The following ITGB1BP1 variants were observed in gnomAD, a reference collection of about 807,000 sequenced individuals.
ITGB1BP1 encodes integrin subunit beta 1 binding protein 1, also known as integrin beta-1-binding protein 1.
A neutral mutation model predicts 28.0 loss-of-function variants in ITGB1BP1; 20 were observed. That is an observed-to-expected ratio of 0.71 (90% CI 0.50 to 1.04). The LOEUF (loss-of-function observed/expected upper bound fraction) is 1.04. ITGB1BP1 is among the 50% of genes least tolerant of loss of function. ITGB1BP1 has a pLI of 0.00. For missense variants in ITGB1BP1, 228 were observed against 242.5 expected (o/e 0.94, Z 0.40); for synonymous variants, 103 against 89.5 (o/e 1.15, Z -0.85).
intron 1 of ITGB1BP1, chr2:9,422,891 G>T (rs1350042509): frequency 1.0e-6 from 1 of 986,184 alleles, no homozygotes; most frequent in Non-Finnish European, 1.2e-6. Context: ...CCAGAGTAAG[G>T]ACGGATGCGG....
chr2:9,417,159 C>A (rs1343136412), intron 2 of ITGB1BP1, among the ~76,000 whole-genome samples: 6 of 152,182 alleles, frequency 3.9e-5, no homozygotes, highest in African/African-American at 9.6e-5. Flanking sequence ...CCCCAGGCGC[C>A]CCCTGCTTTA....
At chr2:9,411,122 C>T (rs1172482403) in intron 4 of ITGB1BP1, among the ~76,000 whole-genome samples, 1 of 152,034 alleles carries the variant, frequency 6.6e-6, no homozygotes, top group Non-Finnish European at 1.5e-5. Flanking sequence ...TATAACATTT[C>T]ACGTTTATAT....
chr2:9,408,270 G>T, intron 4 of ITGB1BP1, 65 bp from the exon 5 acceptor site: 1 of 978,370 alleles, frequency 1.0e-6, no homozygotes, highest in East Asian at 2.4e-5. Flanking sequence ...AGTCTGACTA[G>T]TCACTTTGAG....
In ITGB1BP1 at chr2:9,418,877, TCCCC is replaced by T. The variant is rs1379347244; in HGVS notation, c.-35-149_-35-146del. On this transcript the variant is annotated intron_variant, in intron 1 of 6. Coordinates refer to ENST00000355346, the MANE Select transcript of ITGB1BP1 (RefSeq NM_004763.5). ...GCAGTCTTGACCTCACACCTCAGCCTCCCCGAGTAGCTGGGACTACAGGCATGTG... is the reference window on the plus strand; with the variant it reads ...GCAGTCTTGACCTCACACCTCAGCCTGAGTAGCTGGGACTACAGGCATGTG... 1.6e-5 allele frequency: 10 copies of T among 627,296 alleles called. No individual in the cohort carries two copies. The East Asian group carries it at 2.7e-4, about 17-fold the overall frequency. 38.9% of individuals were successfully genotyped at this position (627,296 alleles called of 1,614,324 possible).
In ITGB1BP1 at chr2:9,423,419, G is replaced by C; in HGVS notation, c.-82C>G. On this transcript the variant is annotated 5_prime_UTR_variant, in exon 1 of 7. Transcript: ENST00000355346. The stretch of plus-strand genomic sequence containing the variant: ...CCGGGTTGCGGACTTCGGGGTCCGC[G>C]TGGGAGTGCCGCGGCCTTTGGCGCC... The C allele has an allele frequency of 8.7e-7, 1 of 1,146,120 alleles. No individual in the cohort carries two copies. Among genetic ancestry groups the C allele is most frequent in the South Asian group, 1.7e-5 (1 of 57,390 alleles). The allele number at this position is 1,146,120 out of a possible 1,614,324, so 71.0% of individuals were successfully genotyped here. A position where few individuals can be genotyped will look rare whatever the true frequency, so the allele number is the denominator to read the frequency against.
At chr2:9,412,197 T>A in intron 4 of ITGB1BP1, 72 bp downstream of exon 4, 1 of 1,395,344 alleles carries the variant, frequency 7.2e-7, no homozygotes, top group Non-Finnish European at 1.0e-6. Flanking sequence ...GGAGTGAGCA[T>A]TTTGCCCCAA....
chr2:9,404,116 T>C lies in ITGB1BP1; in HGVS notation c.*2718A>G, dbSNP rs1676982695. 6.6e-6 allele frequency: 1 copy of C among 152,394 alleles called. No homozygotes were observed. Among genetic ancestry groups the C allele is most frequent in the South Asian group, 2.1e-4 (1 of 4,834 alleles). The allele number at this position is 152,394 out of a possible 1,614,324, so 9.4% of individuals were successfully genotyped here. ...TGCTTTAGGTGTTTTGGAATTTGCC[T>C]TCTTGAACTTCCTGAGTCACACAGA... On this transcript the variant is annotated 3_prime_UTR_variant, in exon 7 of 7. Coordinates refer to ENST00000355346, the MANE Select transcript of ITGB1BP1 (RefSeq NM_004763.5).
chr2:9,407,654 C>G (rs1677707708), intron 5 of ITGB1BP1, 56 bp from the exon 6 acceptor site: 2 of 1,589,154 alleles, frequency 1.3e-6, no homozygotes, highest in Non-Finnish European at 1.7e-6. Context: ...TTTGTCAGTC[C>G]TGATGACACA....
In ITGB1BP1 at chr2:9,406,615, G is replaced by A. The variant is rs1677419432; in HGVS notation, c.*219C>T. 3.6e-6 allele frequency: 2 copies of A among 555,698 alleles called. No individual in the cohort carries two copies. The highest frequency in any genetic ancestry group is 6.4e-6 in the Non-Finnish European group (2 of 311,200). 34.4% of individuals were successfully genotyped at this position (555,698 alleles called of 1,614,324 possible). On this transcript the variant is annotated 3_prime_UTR_variant, in exon 7 of 7. Transcript: ENST00000355346. ...TTATTAGAAGTTGAAAAAGACAAAT[G>A]AAGTTTTTTAGCCCAGAAAATAGAT... is the stretch of plus-strand genomic sequence containing the variant.
Position 9,415,426 on chromosome 2 carries a change from C to T in ITGB1BP1, c.73-1170G>A, listed in dbSNP as rs1678999004. Among the ~76,000 whole-genome samples, 1 of 151,736 alleles carries T rather than the reference C, an allele frequency of 6.6e-6. No individual in the cohort carries two copies. Among genetic ancestry groups the T allele is most frequent in the Admixed American group, 6.6e-5 (1 of 15,214 alleles). Reference sequence around the variant, plus strand: ...ACACACAAAAAAAAACACAACAATACAAAAATTAGCCAGGCTTGGTGGCAC... The same window carrying T: ...ACACACAAAAAAAAACACAACAATATAAAAATTAGCCAGGCTTGGTGGCAC... On this transcript the variant is annotated intron_variant, in intron 2 of 6. Coordinates refer to ENST00000355346, the MANE Select transcript of ITGB1BP1 (RefSeq NM_004763.5). The surrounding 1 kb of genome is among the most constrained non-coding windows in gnomAD (Gnocchi z 4.1).
intron 2 of ITGB1BP1, among the ~76,000 whole-genome samples, chr2:9,418,057 T>C (rs1679364378): frequency 6.6e-6 from 1 of 152,178 alleles, no homozygotes; most frequent in Non-Finnish European, 1.5e-5. Flanking sequence ...AAAATTGGTG[T>C]CAAAAACCTA....
chr2:9,423,496 C>T lies in ITGB1BP1; in HGVS notation c.-159G>A. ...AGCGCCGGCTTTTCCAGCCCTCCTGCCCACGTCCGCCGGGCCGCGCCTCCA... is the reference window on the plus strand; with the variant it reads ...AGCGCCGGCTTTTCCAGCCCTCCTGTCCACGTCCGCCGGGCCGCGCCTCCA... On this transcript the variant is annotated 5_prime_UTR_variant, in exon 1 of 7. Transcript: ENST00000355346. The T allele has an allele frequency of 1.7e-6, 2 of 1,196,046 alleles. No homozygotes were observed. The highest frequency in any genetic ancestry group is 2.1e-6 in the Non-Finnish European group (2 of 943,522). 74.1% of individuals were successfully genotyped at this position (1,196,046 alleles called of 1,614,324 possible).
intron 4 of ITGB1BP1, among the ~76,000 whole-genome samples, chr2:9,411,439 A>T (rs1171514599): frequency 6.6e-6 from 1 of 152,156 alleles, no homozygotes; most frequent in Non-Finnish European, 1.5e-5. Context: ...AAGTATTAAT[A>T]GGCCGGGCAC....
intron 3 of ITGB1BP1, chr2:9,412,664 C>T: frequency 3.3e-6 from 1 of 300,842 alleles, no homozygotes; most frequent in Non-Finnish European, 6.0e-6. Flanking sequence ...CCCTTCAAAA[C>T]AAACAGTAAA....
rs948188259 is a variant in ITGB1BP1, at chr2:9,403,979, G to A, written c.*2855C>T. 6.6e-6 allele frequency: 1 copy of A among 152,272 alleles called. No homozygotes were observed. Among genetic ancestry groups the A allele is most frequent in the Admixed American group, 6.5e-5 (1 of 15,288 alleles). 9.4% of individuals were successfully genotyped at this position (152,272 alleles called of 1,614,324 possible). Reference sequence around the variant, plus strand: ...AAAACTACTGATGGTTTATGACAACGTAGGGTAACTACAGTTCATTCTGTT... The same window carrying A: ...AAAACTACTGATGGTTTATGACAACATAGGGTAACTACAGTTCATTCTGTT... On this transcript the variant is annotated 3_prime_UTR_variant, in exon 7 of 7. Transcript: ENST00000355346.
Position 9,418,688 on chromosome 2 carries a change from T to C in ITGB1BP1, c.10A>G (p.Lys4Glu). 5 of 1,614,126 alleles carry C rather than the reference T, an allele frequency of 3.1e-6. No individual in the cohort carries two copies. Among genetic ancestry groups the C allele is most frequent in the Non-Finnish European group, 4.2e-6 (5 of 1,179,990 alleles). Residue 4 changes from lysine to glutamate, a missense_variant, in exon 2 of 7, where the codon AAG becomes GAG. Coordinates refer to ENST00000355346, the MANE Select transcript of ITGB1BP1 (RefSeq NM_004763.5). Reference sequence around the variant, plus strand: ...CTACTACTGTGTCGTTTTTTGCCCTTGCGAAACATTTTTCACCACCATTGC... The same window carrying C: ...CTACTACTGTGTCGTTTTTTGCCCTCGCGAAACATTTTTCACCACCATTGC... MFR[K>E]GKKRHSSSSS...
intron 2 of ITGB1BP1, among the ~76,000 whole-genome samples, chr2:9,414,790 A>G (rs1678908085): frequency 6.6e-6 from 1 of 152,210 alleles, no homozygotes; most frequent in Non-Finnish European, 1.5e-5. Context: ...AATTATTCTG[A>G]CTAGTGTCTG....
rs545596917 is a variant in ITGB1BP1 at position 9,410,052 on chromosome 2, A to G, written c.289-1847T>C. On this transcript the variant is annotated intron_variant, in intron 4 of 6. Transcript: ENST00000355346. ...AGTAGAGATGGAGTTTCACCGTGTTAGCCAGGATGGTCTCTATCTCCTGAC... is the reference window on the plus strand; with the variant it reads ...AGTAGAGATGGAGTTTCACCGTGTTGGCCAGGATGGTCTCTATCTCCTGAC... 1.3e-4 allele frequency among the ~76,000 whole-genome samples: 20 copies of G among 152,078 alleles called. No individual in the cohort carries two copies. In the South Asian group the frequency reaches 3.1e-3, roughly 24 times the overall value.
intron 4 of ITGB1BP1, among the ~76,000 whole-genome samples, chr2:9,409,867 G>A (rs530276959): frequency 7.4e-6 from 1 of 135,126 alleles, no homozygotes. Context: ...TTTTTGAGAC[G>A]GAGTTCTGCT....
Sources: gnomAD v4.1 joint callset for allele counts (sites outside exome capture counted in the v4.1 genomes callset) on GRCh38, gnomAD v4.1.1 for gene constraint, Gnocchi (gnomAD v3.1) non-coding constraint, MANE v1.5 for transcripts, NCBI Gene and HGNC (gene_info 2026-07-23, HGNC 2026-07-21) for gene names.